The following AHNAK2 variants were observed in gnomAD, a reference collection of about 807,000 sequenced individuals.
The protein encoded by AHNAK2 is protein AHNAK2.
In AHNAK2, 18 loss-of-function variants were observed where a neutral mutation model predicts 30.7. That is an observed-to-expected ratio of 0.59 (90% CI 0.41 to 0.87). AHNAK2 has a LOEUF of 0.87. Among genes scored for constraint, AHNAK2 ranks in the 40% least tolerant of loss-of-function variants. The pLI, the probability that AHNAK2 is intolerant of heterozygous loss-of-function variation, is 0.00. For missense variants in AHNAK2, 8,604 were observed against 7,373.0 expected, an observed-to-expected ratio of 1.17 and a Z score of -6.11; for synonymous variants, 3,590 against 3,073.8, an observed-to-expected ratio of 1.17 and a Z score of -5.56.
chr14:104,937,870 G>A lies in AHNAK2; in HGVS notation c.*193C>T, dbSNP rs984319326. 3.5e-6 allele frequency: 2 copies of A among 565,170 alleles called. No homozygotes were observed. Among genetic ancestry groups the A allele is most frequent in the Non-Finnish European group, 5.8e-6 (2 of 344,240 alleles). 35.0% of individuals were successfully genotyped at this position (565,170 alleles called of 1,614,324 possible). ...TGCATCCAAAGCTTTGAGGGAGCTG[G>A]GAAGCTTTGGTTCCATTTTAGGAGG... On this transcript the variant is annotated 3_prime_UTR_variant, in exon 7 of 7. Transcript: ENST00000333244.
rs1897922296 is a variant in AHNAK2 at position 104,939,749 on chromosome 14, C to T, written c.15702G>A (p.Glu5234=). ...TGGEAAAKVK[E]FLVSGSNVEA... ...CCACGTTTGACCCAGAAACAAGGAA[C>T]TCTTTGACTTTAGCTGCTGCTTCAC... The change falls in exon 7 of 7, where the codon GAG becomes GAA. Residue 5234 remains glutamate, a synonymous_variant. Transcript: ENST00000333244. The T allele has an allele frequency of 6.2e-7, 1 of 1,613,770 alleles. No homozygotes were observed. The highest frequency in any genetic ancestry group is 1.7e-5 in the Admixed American group (1 of 60,008).
chr14:104,952,924 A>T lies in AHNAK2; in HGVS notation c.2527T>A (p.Phe843Ile), dbSNP rs914324145. ...FKMPKFKMPS[F>I]GVSAPGKSME... ...GACTTGCCTGGGGCCGACACCCCGA[A>T]TGATGGCATCTTGAACTTGGGCATT... Residue 843 changes from phenylalanine (F) to isoleucine (I), a missense_variant, in exon 7 of 7, where the codon TTC becomes ATC. Coordinates refer to ENST00000333244, the MANE Select transcript of AHNAK2 (RefSeq NM_138420.4). 6.2e-7 allele frequency: 1 copy of T among 1,610,846 alleles called. No homozygotes were observed. The highest frequency in any genetic ancestry group is 8.5e-7 in the Non-Finnish European group (1 of 1,179,026).
chr14:104,950,196 G>C lies in AHNAK2; in HGVS notation c.5255C>G (p.Pro1752Arg). 6.3e-7 allele frequency: 1 copy of C among 1,585,852 alleles called. No homozygotes were observed. The highest frequency in any genetic ancestry group is 8.6e-7 in the Non-Finnish European group (1 of 1,162,810). The change falls in exon 7 of 7, where the codon CCC (proline) becomes CGC (arginine). Residue 1752 changes from proline (P) to arginine (R), a missense_variant. Physicochemically the swap from Pro to Arg is moderately radical, Grantham distance 103 (BLOSUM62 -2). Coordinates refer to ENST00000333244, the MANE Select transcript of AHNAK2 (RefSeq NM_138420.4). ...PKVQMPSLKMPKVALKGPQMD... is the reference protein window; with the variant it reads ...PKVQMPSLKMRKVALKGPQMD... ...CTGGGGGCCCTTGAGGGCCACTTTG[G>C]GCATCTTCAAACTGGGCATCTGCAC...
intron 1 of AHNAK2, among the ~76,000 whole-genome samples, chr14:104,963,834 A>G (rs1266403803): frequency 6.6e-6 from 1 of 151,248 alleles, no homozygotes; most frequent in African/African-American, 2.5e-5. Context: ...CGTCTAAAAA[A>G]AAAAAAGAAA....
chr14:104,978,312 G>A lies in AHNAK2; in HGVS notation c.-75C>T. The A allele has an allele frequency of 1.1e-6, 1 of 922,044 alleles. No individual in the cohort carries two copies. Among genetic ancestry groups the A allele is most frequent in the Non-Finnish European group, 1.3e-6 (1 of 746,772 alleles). The allele number at this position is 922,044 out of a possible 1,614,324, so 57.1% of individuals were successfully genotyped here. A position where few individuals can be genotyped will look rare whatever the true frequency, so the allele number is the denominator to read the frequency against. On this transcript the variant is annotated 5_prime_UTR_variant, in exon 1 of 7. Transcript: ENST00000333244. Reference sequence around the variant, plus strand: ...GGTCCCGGCTCCGGCGCACGGGGCGGGCGGGCGGGAGCCGCGCTCTGCCCC... The same window carrying A: ...GGTCCCGGCTCCGGCGCACGGGGCGAGCGGGCGGGAGCCGCGCTCTGCCCC...
In AHNAK2 at chr14:104,948,282, G is replaced by A. The variant is rs768667423; in HGVS notation, c.7169C>T (p.Pro2390Leu). Residue 2390 changes from proline to leucine, a missense_variant, in exon 7 of 7, where the codon CCC becomes CTC. Transcript: ENST00000333244. ...GQVDVKLPEG[P>L]VPEGAGLKGH... ...TTTGAGGCCGGCTCCCTCCGGCACG[G>A]GGCCCTCTGGGAGTTTCACATCCAC... 7 of 1,612,112 alleles carry A rather than the reference G, an allele frequency of 4.3e-6. No homozygotes were observed. The East Asian group carries it at 1.1e-4, about 26-fold the overall frequency.
rs1469189137 is a variant in AHNAK2, at chr14:104,977,826, C to G, written c.55+357G>C. 3.3e-5 allele frequency among the ~76,000 whole-genome samples: 5 copies of G among 152,214 alleles called. No individual in the cohort carries two copies. The East Asian group carries it at 9.6e-4, about 29-fold the overall frequency. On this transcript the variant is annotated intron_variant, in intron 1 of 6. Transcript: ENST00000333244. The stretch of plus-strand genomic sequence containing the variant: ...CCCAGGAGGCCGCCTCTCGACCAGA[C>G]AGCGTCCCAGGAGCGGGGCAGGAGC...
In AHNAK2 at chr14:104,944,441, G is replaced by T. The variant is rs745373383; in HGVS notation, c.11010C>A (p.Ala3670=). 1.2e-6 allele frequency: 2 copies of T among 1,612,858 alleles called. No homozygotes were observed. Among genetic ancestry groups the T allele is most frequent in the African/African-American group, 2.7e-5 (2 of 74,608 alleles). The part of the protein sequence containing the change: ...SVDVSAPKVE[A]DVSLPSMQGD... ...CCTGCATGGAGGGGAGACTCACATC[G>T]GCTTCCACCTTGGGTGCAGACACAT... is the stretch of plus-strand genomic sequence containing the variant. The change falls in exon 7 of 7, where the codon GCC becomes GCA. Residue 3670 remains alanine (A), a synonymous_variant. Transcript: ENST00000333244.
rs1458316169 is a variant in AHNAK2 at position 104,939,014 on chromosome 14, T to C, written c.16437A>G (p.Ile5479Met). The C allele has an allele frequency of 6.2e-7, 1 of 1,610,334 alleles. No homozygotes were observed. Among genetic ancestry groups the C allele is most frequent in the East Asian group, 2.2e-5 (1 of 44,830 alleles). Residue 5479 changes from isoleucine (I) to methionine (M), a missense_variant, in exon 7 of 7, where the codon ATA (isoleucine) becomes ATG (methionine). By Grantham distance (10) the Ile-to-Met change is conservative. Coordinates refer to ENST00000333244, the MANE Select transcript of AHNAK2 (RefSeq NM_138420.4). ...GAQVESQEVTIHSIVTPEFVD... is the reference protein window; with the variant it reads ...GAQVESQEVTMHSIVTPEFVD... Reference sequence around the variant, plus strand: ...CAAACTCTGGTGTCACTATGCTGTGTATAGTGACCTCTTGACTTTCAACCT... The same window carrying C: ...CAAACTCTGGTGTCACTATGCTGTGCATAGTGACCTCTTGACTTTCAACCT...
Position 104,955,036 on chromosome 14 carries a change from C to G in AHNAK2, c.572G>C (p.Arg191Thr), listed in dbSNP as rs1566921406. The change falls in exon 6 of 7, where the codon AGA becomes ACA. Residue 191 changes from arginine to threonine, a missense_variant. Transcript: ENST00000333244. ...SEPYKVQFKI[R>T]RQLPAPQDEE... is the part of the protein sequence containing the mutation. ...ATCCTGTGGGGCAGGGAGCTGCCGT[C>G]TGATTTTGAACTGAACCTTGTACGG... 3.7e-6 allele frequency: 6 copies of G among 1,613,584 alleles called. No individual in the cohort carries two copies. Among genetic ancestry groups the G allele is most frequent in the African/African-American group, 1.3e-5 (1 of 74,932 alleles).
chr14:104,942,671 A>G lies in AHNAK2; in HGVS notation c.12780T>C (p.Ser4260=). ...ADVMTPVVEV[S]LPSMEVDVEA... ...CGACGTCCACCTCCATGCTGGGCAG[A>G]GACACCTCCACGACGGGGGTCATCA... is the stretch of plus-strand genomic sequence containing the variant. Residue 4260 remains serine, a synonymous_variant, in exon 7 of 7, where the codon TCT becomes TCC. Coordinates refer to ENST00000333244, the MANE Select transcript of AHNAK2 (RefSeq NM_138420.4). The G allele has an allele frequency of 6.2e-7, 1 of 1,613,298 alleles. No homozygotes were observed. The highest frequency in any genetic ancestry group is 2.2e-5 in the East Asian group (1 of 44,786).
Position 104,946,581 on chromosome 14 carries a change from C to T in AHNAK2, c.8870G>A (p.Gly2957Asp), listed in dbSNP as rs1415701529. 1.2e-6 allele frequency: 2 copies of T among 1,613,068 alleles called. No homozygotes were observed. The highest frequency in any genetic ancestry group is 1.3e-5 in the African/African-American group (1 of 74,646). Residue 2957 changes from glycine to aspartate, a missense_variant, in exon 7 of 7, where the codon GGT becomes GAT. Coordinates refer to ENST00000333244, the MANE Select transcript of AHNAK2 (RefSeq NM_138420.4). ...GGACAGGTCACCCTCCAGCCGTGCA[C>T]CATCCAGCTTTGCTCTCGGGGCCTC... ...DVEAPRAKLD[G>D]ARLEGDLSLA... is the part of the protein sequence containing the mutation.
Position 104,955,588 on chromosome 14 carries a change from C to A in AHNAK2, c.361G>T (p.Ala121Ser). The change falls in exon 5 of 7, where the codon GCA (alanine) becomes TCA (serine). Residue 121 changes from alanine to serine, a missense_variant. Ala to Ser is a moderately conservative substitution (Grantham distance 99). Coordinates refer to ENST00000333244, the MANE Select transcript of AHNAK2 (RefSeq NM_138420.4). ...GTGACACTGTAGCCACTGGCTCCTG[C>A]CTCCACCTCTGTCTTCAGCGTCACC... The part of the protein sequence containing the change: ...TEVTLKTEVE[A>S]GASGYSVTGG... 6.2e-7 allele frequency: 1 copy of A among 1,613,696 alleles called. No homozygotes were observed. Among genetic ancestry groups the A allele is most frequent in the South Asian group, 1.1e-5 (1 of 91,054 alleles).
rs1450619734 is a variant in AHNAK2 at position 104,966,266 on chromosome 14, C to T, written c.56-8594G>A. 6.6e-6 allele frequency among the ~76,000 whole-genome samples: 1 copy of T among 152,112 alleles called. No individual in the cohort carries two copies. Among genetic ancestry groups the T allele is most frequent in the East Asian group, 1.9e-4 (1 of 5,186 alleles). On this transcript the variant is annotated intron_variant, in intron 1 of 6. Transcript: ENST00000333244. The surrounding 1 kb of genome is among the most constrained non-coding windows in gnomAD (Gnocchi z 4.3). ...CTGCTCCGGGGGCCAGGCCCAGACCCCTGGCCTCCATAACCCCCCAGCAGA... is the reference window on the plus strand; with the variant it reads ...CTGCTCCGGGGGCCAGGCCCAGACCTCTGGCCTCCATAACCCCCCAGCAGA...
chr14:104,975,808 C>T (rs140163890), intron 1 of AHNAK2, among the ~76,000 whole-genome samples: 2 of 152,218 alleles, frequency 1.3e-5, no homozygotes, highest in Non-Finnish European at 2.9e-5. Flanking sequence ...GCTAGCAGCA[C>T]AGGCAGCTGC....
In AHNAK2 at chr14:104,941,263, C is replaced by T; in HGVS notation, c.14188G>A (p.Gly4730Ser). 4 of 1,613,524 alleles carry T rather than the reference C, an allele frequency of 2.5e-6. No homozygotes were observed. Among genetic ancestry groups the T allele is most frequent in the South Asian group, 1.1e-5 (1 of 91,072 alleles). The change falls in exon 7 of 7, where the codon GGT (glycine) becomes AGT (serine). Residue 4730 changes from glycine (G) to serine (S), a missense_variant. By Grantham distance (56) the Gly-to-Ser change is moderately conservative. Coordinates refer to ENST00000333244, the MANE Select transcript of AHNAK2 (RefSeq NM_138420.4). ...SLVPGAKSSI[G>S]LSTIPLSSSE... ...GATGATAAAGGAATCGTGGAAAGAC[C>T]TATGCTAGACTTTGCACCTGGGACT...
chr14:104,950,218 G>C lies in AHNAK2; in HGVS notation c.5233C>G (p.Gln1745Glu), dbSNP rs199544161. ...AGFKGHLPKV[Q>E]MPSLKMPKVA... ...TTGGGCATCTTCAAACTGGGCATCT[G>C]CACCTTGGGGAGGTGCCCTTTGAAG... Residue 1745 changes from glutamine to glutamate, a missense_variant, in exon 7 of 7, where the codon CAG becomes GAG. Physicochemically the swap from Gln to Glu is conservative, Grantham distance 29. Transcript: ENST00000333244. The C allele has an allele frequency of 1.5e-4, 235 of 1,583,362 alleles. 23 individuals carry two copies. The highest frequency in any genetic ancestry group is 1.4e-3 in the African/African-American group (100 of 71,314).
chr14:104,972,390 G>T (rs1899490694), intron 1 of AHNAK2, among the ~76,000 whole-genome samples: 1 of 152,190 alleles, frequency 6.6e-6, no homozygotes, highest in Non-Finnish European at 1.5e-5. Context: ...GCCAGGCAGG[G>T]CAGGGCTGGC....
At position 104,950,156 on chromosome 14, in the gene AHNAK2, G is replaced by T; in HGVS notation, c.5295C>A (p.Gly1765=). 2 of 1,586,096 alleles carry T rather than the reference G, an allele frequency of 1.3e-6. No individual in the cohort carries two copies. The highest frequency in any genetic ancestry group is 1.7e-6 in the Non-Finnish European group (2 of 1,162,860). The part of the protein sequence containing the change: ...ALKGPQMDVK[G]PKLDLKGPKA... ...TGGGGCCTTTCAGGTCCAGCTTGGG[G>T]CCCTTGACGTCCATCTGGGGGCCCT... is the stretch of plus-strand genomic sequence containing the variant. The change falls in exon 7 of 7, where the codon GGC becomes GGA. Residue 1765 remains glycine (G), a synonymous_variant. Transcript: ENST00000333244.
Sources: allele counts gnomAD v4.1 joint callset (sites outside exome capture counted in the v4.1 genomes callset), GRCh38; gene constraint gnomAD v4.1.1; non-coding constraint Gnocchi (gnomAD v3.1); transcripts MANE v1.5; gene names NCBI Gene and HGNC (gene_info 2026-07-23, HGNC 2026-07-21).